Variants in ATPAF2 observed in about 807,000 individuals in gnomAD.
ATPAF2 encodes ATP synthase mitochondrial F1 complex assembly factor 2.
A neutral mutation model predicts 36.6 loss-of-function variants in ATPAF2; 30 were observed. The ratio of observed to expected loss-of-function variants is 0.82; its 90% CI spans 0.61 to 1.11. The LOEUF is 1.11. ATPAF2 is among the 50% of genes most tolerant of loss of function. ATPAF2 has a pLI of 0.00. For synonymous variants in ATPAF2, 140 were observed against 152.6 expected (o/e 0.92, Z 0.61); for missense variants, 321 against 372.3 (o/e 0.86, Z 1.13).
chr17:18,028,310 G>A lies in ATPAF2; in HGVS notation c.246C>T (p.Pro82=), dbSNP rs768922846. 3 of 1,614,178 alleles carry A rather than the reference G, an allele frequency of 1.9e-6. No individual in the cohort carries two copies. Among genetic ancestry groups the A allele is most frequent in the Admixed American group, 1.7e-5 (1 of 60,028 alleles). ...KTPQAKLFTV[P]SEALAIAVAT... Reference sequence around the variant, plus strand: ...CCACTGCAATGGCCAGGGCCTCGCTGGGGACGGTAAAGAGCTTGGCTTGGG... The same window carrying A: ...CCACTGCAATGGCCAGGGCCTCGCTAGGGACGGTAAAGAGCTTGGCTTGGG... Residue 82 remains proline (P), a synonymous_variant, in exon 3 of 8, where the codon CCC becomes CCT. Coordinates refer to ENST00000474627, the MANE Select transcript of ATPAF2 (RefSeq NM_145691.4).
chr17:18,033,220 T>A (rs1173892124), intron 1 of ATPAF2, among the ~76,000 whole-genome samples: 7 of 151,722 alleles, frequency 4.6e-5, no homozygotes, highest in Non-Finnish European at 1.5e-5. Context: ...AATTAAAAAA[T>A]TGGCGAGGTG....
downstream of ATPAF2, chr17:18,016,868 A>C: frequency 1.8e-5 from 7 of 398,384 alleles, no homozygotes; most frequent in Admixed American, 4.9e-5. Context: ...CATTTCCCCT[A>C]CTCATAAAAA....
chr17:18,022,073 T>C (rs2044478031), intron 5 of ATPAF2, among the ~76,000 whole-genome samples: 1 of 152,170 alleles, frequency 6.6e-6, no homozygotes, highest in South Asian at 2.1e-4. Flanking sequence ...GAAACTGTGC[T>C]GAATGAAGGG....
intron 5 of ATPAF2, among the ~76,000 whole-genome samples, chr17:18,022,571 C>A (rs1476621211): frequency 6.6e-6 from 1 of 151,374 alleles, no homozygotes; most frequent in African/African-American, 2.4e-5. Context: ...CCACCATGAC[C>A]AGTCAGCAGT....
chr17:18,030,908 C>T (rs1165680668), intron 1 of ATPAF2, among the ~76,000 whole-genome samples: 1 of 135,832 alleles, frequency 7.4e-6, no homozygotes, highest in Admixed American at 7.9e-5. Context: ...CTCCTGACCT[C>T]GTGATCCACC....
At chr17:18,021,491 G>C (rs1377207242) in intron 6 of ATPAF2, 2 of 629,292 alleles carry the variant, frequency 3.2e-6, no homozygotes, top group Non-Finnish European at 5.7e-6. Flanking sequence ...TTGGTTCATG[G>C]ATGGACATGT....
chr17:18,036,240 G>A (rs912917777), intron 1 of ATPAF2, among the ~76,000 whole-genome samples: 1 of 152,004 alleles, frequency 6.6e-6, no homozygotes, highest in African/African-American at 2.4e-5. Flanking sequence ...CTTCAAATAC[G>A]CACAAATATC....
chr17:18,028,102 G>C (rs557353262), intron 3 of ATPAF2, 130 bp downstream of exon 3: 2 of 1,061,562 alleles, frequency 1.9e-6, no homozygotes, highest in Admixed American at 3.4e-5. Flanking sequence ...GACTTGAGAG[G>C]AGGTGAATCC....
At chr17:18,029,431 C>T (rs1197151995) in intron 1 of ATPAF2, among the ~76,000 whole-genome samples, 1 of 152,182 alleles carries the variant, frequency 6.6e-6, no homozygotes, top group Non-Finnish European at 1.5e-5. Context: ...ACATCTGTGA[C>T]AAACACAAAA....
rs2044521263 is a variant in ATPAF2 at position 18,024,772 on chromosome 17, G to C, written c.423-68C>G. ...ATTCCTTCATTCAGTGATAGAAAAGGAAAAACACAAAGGACAACAGCAAAA... is the reference window on the plus strand; with the variant it reads ...ATTCCTTCATTCAGTGATAGAAAAGCAAAAACACAAAGGACAACAGCAAAA... On this transcript the variant is annotated intron_variant, in intron 4 of 7. Transcript: ENST00000474627. 3 of 1,419,436 alleles carry C rather than the reference G, an allele frequency of 2.1e-6. No individual in the cohort carries two copies. The South Asian group carries it at 3.5e-5, about 16-fold the overall frequency. The allele number at this position is 1,419,436 out of a possible 1,614,324, so 87.9% of individuals were successfully genotyped here.
At position 18,018,667 on chromosome 17, in the gene ATPAF2, A is replaced by G. The variant is rs574324383; in HGVS notation, c.752T>C (p.Ile251Thr). ...CAGCTCATAGTCATGGGCCCACTCA[A>G]TGTTGCCCCACTTCTGGATCTGAGG... ...EEYQIQKWGN[I>T]EWAHDYELQE... is the part of the protein sequence containing the mutation. Residue 251 changes from isoleucine (I) to threonine (T), a missense_variant, in exon 8 of 8, where the codon ATT becomes ACT. Around this residue, in one of 3 missense-constraint regions of ATPAF2, gnomAD observed 199 missense variants for 220.6 expected, o/e 0.90. Transcript: ENST00000474627. 1.9e-6 allele frequency: 3 copies of G among 1,613,982 alleles called. No individual in the cohort carries two copies. Among genetic ancestry groups the G allele is most frequent in the African/African-American group, 1.3e-5 (1 of 75,024 alleles).
downstream of ATPAF2, chr17:18,016,177 T>C (rs1214064066): frequency 6.2e-7 from 1 of 1,614,000 alleles, no homozygotes. Context: ...ACTCTTGGTG[T>C]ACACGTTTAA....
chr17:18,019,003 T>TG (rs2044426683), intron 7 of ATPAF2, among the ~76,000 whole-genome samples: 1 of 152,140 alleles, frequency 6.6e-6, no homozygotes, highest in African/African-American at 2.4e-5. Flanking sequence ...CTGGGTGTGG[T>TG]GGGGGTGCAC....
At chr17:18,026,186 C>T in intron 4 of ATPAF2, 133 bp downstream of exon 4, 1 of 890,802 alleles carries the variant, frequency 1.1e-6, no homozygotes, top group Non-Finnish European at 1.9e-6. Flanking sequence ...CAGCCAAGTG[C>T]CAAAGTCAAG....
intron 1 of ATPAF2, among the ~76,000 whole-genome samples, chr17:18,029,922 C>T: frequency 6.9e-6 from 1 of 145,820 alleles, no homozygotes; most frequent in East Asian, 2.1e-4. Context: ...CGCAGTGGCT[C>T]ATGCCTATAA....
chr17:18,037,151 T>TC (rs2044714174), intron 1 of ATPAF2, among the ~76,000 whole-genome samples: 1 of 152,202 alleles, frequency 6.6e-6, no homozygotes, highest in Non-Finnish European at 1.5e-5. Context: ...CCTGAATGTG[T>TC]CCCCTTTGCT....
rs768210344 is a variant in ATPAF2, at chr17:18,018,167, G to A, written c.*382C>T. On this transcript the variant is annotated 3_prime_UTR_variant, in exon 8 of 8. Transcript: ENST00000474627. The stretch of plus-strand genomic sequence containing the variant: ...CCACAGGCAGCAGATATCCAAACAC[G>A]CCATGGGAGATAAGCTGTTTAACCC... The A allele has an allele frequency of 1.6e-5, 5 of 311,936 alleles. No homozygotes were observed. Among genetic ancestry groups the A allele is most frequent in the East Asian group, 8.0e-5 (1 of 12,466 alleles). 19.3% of individuals were successfully genotyped at this position (311,936 alleles called of 1,614,324 possible).
At chr17:18,016,434 C>A, downstream of ATPAF2, 1 of 811,524 alleles carries the variant, frequency 1.2e-6, no homozygotes, top group Non-Finnish European at 2.0e-6. Context: ...CCTGGGGAGG[C>A]GCTGAAGCAA....
chr17:18,024,304 C>G (rs1482296503), intron 5 of ATPAF2, among the ~76,000 whole-genome samples: 1 of 152,222 alleles, frequency 6.6e-6, no homozygotes, highest in Non-Finnish European at 1.5e-5. Flanking sequence ...GGGATTCAAA[C>G]CGACACTGCT....
Sources: gnomAD v4.1 joint callset for allele counts (sites outside exome capture counted in the v4.1 genomes callset) on GRCh38, gnomAD v4.1.1 for gene constraint, gnomAD v4.1.1 regional missense constraint, MANE v1.5 for transcripts, NCBI Gene and HGNC (gene_info 2026-07-23, HGNC 2026-07-21) for gene names.